Variants in PDE4D observed in about 807,000 individuals in gnomAD.
PDE4D encodes 3',5'-cyclic-AMP phosphodiesterase 4D.
Under a neutral mutation model 87.4 loss-of-function variants are expected in PDE4D, and 24 were observed. The ratio of observed to expected loss-of-function variants is 0.27; its 90% CI spans 0.20 to 0.39. PDE4D has a LOEUF of 0.39. PDE4D is among the 10% of genes least tolerant of loss of function. PDE4D has a pLI of 1.00. For missense variants in PDE4D, 714 were observed against 1,041.0 expected, an observed-to-expected ratio of 0.69 and a Z score of 4.32; for synonymous variants, 384 against 383.2, an observed-to-expected ratio of 1.00 and a Z score of -0.02.
At chr5:59,965,388 C>A (rs551591178) in intron 3 of PDE4D, among the ~76,000 whole-genome samples, 121 of 152,298 alleles carry the variant, frequency 7.9e-4, no homozygotes, top group African/African-American at 2.8e-3. Context: ...TTCAAAGTTA[C>A]ATTCTCAGTG....
intron 1 of PDE4D, among the ~76,000 whole-genome samples, chr5:59,337,766 G>A (rs1028828080): frequency 1.3e-5 from 2 of 152,062 alleles, no homozygotes; most frequent in African/African-American, 4.8e-5. Flanking sequence ...TAGAACATCT[G>A]GTATGATTTC....
At chr5:59,078,328 G>A (rs2936196) in intron 5 of PDE4D, among the ~76,000 whole-genome samples, 227 of 152,156 alleles carry the variant, frequency 1.5e-3, no homozygotes, top group Admixed American at 3.5e-3. Context: ...ATCAATCACA[G>A]AATAACATCT....
chr5:59,542,690 G>A (rs1816568744), intron 1 of PDE4D, among the ~76,000 whole-genome samples: 2 of 152,028 alleles, frequency 1.3e-5, no homozygotes, highest in African/African-American at 4.8e-5. Context: ...TACAACCTGG[G>A]CTTGTACACC....
chr5:59,979,218 G>C lies in PDE4D; in HGVS notation c.272+9270C>G, dbSNP rs535412528. 2.6e-5 allele frequency among the ~76,000 whole-genome samples: 4 copies of C among 152,140 alleles called. No homozygotes were observed. The South Asian group carries it at 8.3e-4, about 32-fold the overall frequency. On this transcript the variant is annotated intron_variant, in intron 3 of 16. Transcript: ENST00000502484. ...TGTTAACTGAGACACAGAAGAGTTA[G>C]TAGAGGAGTAAAGAGGGAGACCACC...
intron 1 of PDE4D, among the ~76,000 whole-genome samples, chr5:59,472,468 T>G (rs1802603626): frequency 6.6e-6 from 1 of 152,192 alleles, no homozygotes; most frequent in Non-Finnish European, 1.5e-5. Flanking sequence ...TTGCTAACAT[T>G]GCTCTTGAAC....
chr5:59,633,997 A>G (rs1339997201), intron 1 of PDE4D, among the ~76,000 whole-genome samples: 1 of 152,166 alleles, frequency 6.6e-6, no homozygotes, highest in Non-Finnish European at 1.5e-5. Flanking sequence ...GACTCATCTC[A>G]TGTGCAAACA....
intron 1 of PDE4D, among the ~76,000 whole-genome samples, chr5:59,828,994 A>G (rs1184250968): frequency 2.0e-5 from 3 of 152,130 alleles, no homozygotes; most frequent in Non-Finnish European, 2.9e-5. Flanking sequence ...CTTATAATGC[A>G]GGGGTAATAG....
At chr5:59,539,227 G>A (rs1465820371) in intron 1 of PDE4D, among the ~76,000 whole-genome samples, 1 of 152,146 alleles carries the variant, frequency 6.6e-6, no homozygotes, top group Non-Finnish European at 1.5e-5. Context: ...TATTTGTTAA[G>A]TGAATTAATC....
At chr5:60,147,897 GT>G (rs1781155972) in intron 2 of PDE4D, 2 of 415,994 alleles carry the variant, frequency 4.8e-6, no homozygotes, top group South Asian at 3.4e-5. Flanking sequence ...AAGAGAAACT[GT>G]AACCAAGACA....
intron 1 of PDE4D, among the ~76,000 whole-genome samples, chr5:60,495,542 A>G (rs1179958532): frequency 6.6e-6 from 1 of 152,184 alleles, no homozygotes; most frequent in Admixed American, 6.5e-5. Context: ...CATGCAGACT[A>G]CTTAACAGAA....
intron 1 of PDE4D, among the ~76,000 whole-genome samples, chr5:59,320,591 C>G (rs534089446): frequency 4.1e-4 from 63 of 152,188 alleles, no homozygotes; most frequent in African/African-American, 1.5e-3. Context: ...CTTGTAAAAA[C>G]TTTAAATGAA....
rs56306218 is a variant in PDE4D, at chr5:59,081,518, T to TTAAAAAAAAAA, written c.809-42548_809-42547insTTTTTTTTTTA. ...ACCTCATGACCAGGAAGTAATCAGGTAAAAAAAAAAAAGAAAAAAAGTGGG... is the reference window on the plus strand; with the variant it reads ...ACCTCATGACCAGGAAGTAATCAGGTTAAAAAAAAAAAAAAAAAAAAAAGAAAAAAAGTGGG... On this transcript the variant is annotated intron_variant, in intron 5 of 14. Transcript: ENST00000340635. Among the ~76,000 whole-genome samples, 527 of 135,340 alleles carry TTAAAAAAAAAA rather than the reference T, an allele frequency of 3.9e-3. 10 individuals carry two copies. Among genetic ancestry groups the TTAAAAAAAAAA allele is most frequent in the Non-Finnish European group, 5.5e-3 (355 of 64,292 alleles). 88.8% of individuals were successfully genotyped at this position (135,340 alleles called of 152,430 possible). A position where few individuals can be genotyped will look rare whatever the true frequency, so the allele number is the denominator to read the frequency against.
chr5:59,537,183 A>G (rs1815435898), intron 1 of PDE4D, among the ~76,000 whole-genome samples: 1 of 152,252 alleles, frequency 6.6e-6, no homozygotes, highest in Non-Finnish European at 1.5e-5. Flanking sequence ...TAAAGAGCAC[A>G]GGAAAAGAAG....
chr5:60,463,845 C>T (rs924656059), intron 1 of PDE4D, among the ~76,000 whole-genome samples: 2 of 152,146 alleles, frequency 1.3e-5, no homozygotes, highest in African/African-American at 2.4e-5. Context: ...TGAAATGGCT[C>T]TCTATCCATT....
At chr5:60,426,933 G>A (rs1743775302) in intron 1 of PDE4D, among the ~76,000 whole-genome samples, 1 of 152,100 alleles carries the variant, frequency 6.6e-6, no homozygotes, top group African/African-American at 2.4e-5. Flanking sequence ...CAATTTAGTG[G>A]ACAGGTCTGA....
intron 1 of PDE4D, among the ~76,000 whole-genome samples, chr5:59,374,577 G>T (rs1784418971): frequency 2.0e-5 from 3 of 152,000 alleles, no homozygotes; most frequent in Admixed American, 6.6e-5. Context: ...CACAATAATA[G>T]CAGGAGACTT....
intron 6 of PDE4D, among the ~76,000 whole-genome samples, chr5:59,025,280 C>T (rs954239789): frequency 3.3e-5 from 5 of 152,000 alleles, no homozygotes; most frequent in Non-Finnish European, 7.4e-5. Context: ...ATTAATATTG[C>T]AGTTCATTTT....
At chr5:60,268,581 A>G (rs1235994470) in intron 1 of PDE4D, among the ~76,000 whole-genome samples, 1 of 152,232 alleles carries the variant, frequency 6.6e-6, no homozygotes, top group Non-Finnish European at 1.5e-5. Context: ...AAAAGCTTAA[A>G]GTACTAAGAA....
intron 1 of PDE4D, among the ~76,000 whole-genome samples, chr5:59,724,494 A>G (rs1756309789): frequency 6.6e-6 from 1 of 152,060 alleles, no homozygotes; most frequent in Non-Finnish European, 1.5e-5. Flanking sequence ...TAGTTTTTTG[A>G]GAAAGATGAT....
Sources: allele counts gnomAD v4.1 joint callset (sites outside exome capture counted in the v4.1 genomes callset), GRCh38; gene constraint gnomAD v4.1.1; transcripts MANE v1.5; gene names NCBI Gene and HGNC (gene_info 2026-07-23, HGNC 2026-07-21).